CCDC171: variants seen among roughly 807,000 people sequenced by gnomAD.
CCDC171 encodes the protein coiled-coil domain containing 171, also known as coiled-coil domain-containing protein 171.
Under a neutral mutation model 168.2 loss-of-function variants are expected in CCDC171, and 177 were observed. That is an observed-to-expected ratio of 1.05 (90% CI 0.93 to 1.19). The LOEUF (loss-of-function observed/expected upper bound fraction) is 1.19. CCDC171 is among the 50% of genes most tolerant of loss of function. CCDC171 has a pLI of 0.00. For missense variants in CCDC171, 1,991 were observed against 1,539.0 expected, an observed-to-expected ratio of 1.29 and a Z score of -4.91; for synonymous variants, 687 against 540.8, an observed-to-expected ratio of 1.27 and a Z score of -3.75.
intron 25 of CCDC171, among the ~76,000 whole-genome samples, chr9:15,970,243 A>G (rs1319994517): frequency 6.6e-6 from 1 of 152,172 alleles, no homozygotes; most frequent in Non-Finnish European, 1.5e-5. Flanking sequence ...AACACATACA[A>G]CAGTTGAATT....
intron 24 of CCDC171, among the ~76,000 whole-genome samples, chr9:15,900,157 G>T (rs142986211): frequency 0.013 from 1,977 of 152,242 alleles, 49 homozygotes; most frequent in African/African-American, 0.045. Flanking sequence ...TAAATGTAAT[G>T]GATACCACTC....
At chr9:15,900,645 C>T (rs541511536) in intron 24 of CCDC171, among the ~76,000 whole-genome samples, 28 of 152,266 alleles carry the variant, frequency 1.8e-4, no homozygotes, top group East Asian at 9.7e-4. Context: ...GATTTCAATA[C>T]CCTAGAGTGA....
intron 3 of CCDC171, among the ~76,000 whole-genome samples, chr9:15,994,789 A>G (rs189859768): frequency 2.0e-5 from 3 of 152,308 alleles, no homozygotes; most frequent in Admixed American, 6.5e-5. Context: ...CTATTTCACC[A>G]TCAGTCAATG....
chr9:15,582,108 G>A (rs1268843394), intron 4 of CCDC171, among the ~76,000 whole-genome samples: 1 of 152,162 alleles, frequency 6.6e-6, no homozygotes, highest in African/African-American at 2.4e-5. Context: ...TCATCAGAAA[G>A]TGGGCAAAGG....
chr9:15,618,580 C>T (rs1299182252), intron 6 of CCDC171, among the ~76,000 whole-genome samples: 2 of 152,212 alleles, frequency 1.3e-5, no homozygotes, highest in African/African-American at 2.4e-5. Context: ...GAAAAAACTC[C>T]TGCAGCTTGG....
Position 15,563,435 on chromosome 9 carries a change from G to T in CCDC171, c.-111-543G>T, listed in dbSNP as rs866886411. ...TTACAGTCGTGAGCCACCGCACCCG[G>T]CTCAAGTTACTTTTAATCTCAGTCT... On this transcript the variant is annotated intron_variant, in intron 1 of 25. Coordinates refer to ENST00000380701, the MANE Select transcript of CCDC171 (RefSeq NM_173550.4). Among the ~76,000 whole-genome samples, 6 of 152,206 alleles carry T rather than the reference G, an allele frequency of 3.9e-5. No individual in the cohort carries two copies. In the South Asian group the frequency reaches 1.2e-3, roughly 32 times the overall value.
At chr9:15,656,753 G>A (rs1415841879) in intron 7 of CCDC171, among the ~76,000 whole-genome samples, 4 of 152,160 alleles carry the variant, frequency 2.6e-5, no homozygotes, top group Non-Finnish European at 5.9e-5. Flanking sequence ...AGGGCTGGAG[G>A]AAGGCATTAC....
rs756082815 is a variant in CCDC171, at chr9:15,678,893, A to G, written c.1212A>G (p.Val404=). The G allele has an allele frequency of 6.3e-7, 1 of 1,579,302 alleles. No homozygotes were observed. The highest frequency in any genetic ancestry group is 2.0e-5 in the Admixed American group (1 of 51,240). ...KSCSELQEEL[V]MAKKHQAFLV... is the part of the protein sequence containing the mutation. Reference sequence around the variant, plus strand: ...GCAGTGAATTACAGGAAGAACTAGTAATGGTAAGGATAAAAAAGAAAACCC... The same window carrying G: ...GCAGTGAATTACAGGAAGAACTAGTGATGGTAAGGATAAAAAAGAAAACCC... Residue 404 remains valine, a synonymous_variant, in exon 10 of 26, where the codon GTA becomes GTG. Coordinates refer to ENST00000380701, the MANE Select transcript of CCDC171 (RefSeq NM_173550.4).
At chr9:16,100,708 G>A in the CCDC171 span, among the ~76,000 whole-genome samples, 1 of 152,192 alleles carries the variant, frequency 6.6e-6, no homozygotes, top group African/African-American at 2.4e-5. Context: ...AGGGTTGGAA[G>A]CAGCTGCGAG....
the CCDC171 span, among the ~76,000 whole-genome samples, chr9:16,090,988 C>T: frequency 6.6e-6 from 1 of 152,202 alleles, no homozygotes; most frequent in Non-Finnish European, 1.5e-5. Context: ...TCTTGTTCTG[C>T]AGTTCTCTTT....
chr9:15,924,587 G>A (rs1825699349), intron 25 of CCDC171, among the ~76,000 whole-genome samples: 1 of 151,494 alleles, frequency 6.6e-6, no homozygotes, highest in African/African-American at 2.4e-5. Flanking sequence ...CTACAGCCTT[G>A]AGCATGTAAC....
intron 6 of CCDC171, among the ~76,000 whole-genome samples, chr9:15,616,893 T>A (rs2044122049): frequency 6.6e-6 from 1 of 152,204 alleles, no homozygotes; most frequent in Admixed American, 6.5e-5. Flanking sequence ...ACTGGGTAAT[T>A]TATAAAGGAA....
Position 15,744,376 on chromosome 9 carries a change from C to T in CCDC171, c.2153C>T (p.Ser718Leu). ...AATTCGCACTTCAAAAAACTGTTAT[C>T]ACAGACTCAAAGGGAACAGATGTCC... Reference protein sequence around the residue: ...LENSHFKKLLSQTQREQMSLL... With the variant: ...LENSHFKKLLLQTQREQMSLL... The change falls in exon 17 of 26, where the codon TCA becomes TTA. Residue 718 changes from serine (S) to leucine (L), a missense_variant. Transcript: ENST00000380701. 6.2e-7 allele frequency: 1 copy of T among 1,614,134 alleles called. No individual in the cohort carries two copies. Among genetic ancestry groups the T allele is most frequent in the South Asian group, 1.1e-5 (1 of 91,084 alleles).
intron 25 of CCDC171, 149 bp from the exon 26 acceptor site, chr9:15,971,460 T>C (rs1831347724): frequency 3.5e-6 from 2 of 566,984 alleles, no homozygotes; most frequent in Admixed American, 3.2e-5. Context: ...TTACTATTTA[T>C]ATATTCTCAT....
chr9:15,957,083 C>T (rs1169853086), intron 25 of CCDC171, among the ~76,000 whole-genome samples: 1 of 150,752 alleles, frequency 6.6e-6, no homozygotes, highest in Non-Finnish European at 1.5e-5. Context: ...TCCTAGATTC[C>T]TGTCTAATTC....
rs1435772970 is a variant in CCDC171, at chr9:15,945,692, C to G, written c.3753+25270C>G. 9.3e-5 allele frequency among the ~76,000 whole-genome samples: 14 copies of G among 150,938 alleles called. No individual in the cohort carries two copies. The East Asian group carries it at 2.8e-3, about 31-fold the overall frequency. On this transcript the variant is annotated intron_variant, in intron 25 of 25. Transcript: ENST00000380701. ...ATAAATGTCTTCTTTTGAGTAGTGT[C>G]TGTTCATGTCCTTCACCCCCTTTTT...
At chr9:15,623,475 G>GCGCGCGCTCA in intron 7 of CCDC171, 62 bp downstream of exon 7, 2 of 311,464 alleles carry the variant, frequency 6.4e-6, no homozygotes, top group Non-Finnish European at 5.9e-6. Context: ...GCGCGCGCGC[G>GCGCGCGCTCA]CACACACACA....
At chr9:15,832,899 A>T (rs534033790) in intron 21 of CCDC171, among the ~76,000 whole-genome samples, 6 of 144,106 alleles carry the variant, frequency 4.2e-5, no homozygotes, top group African/African-American at 1.3e-4. Flanking sequence ...TAAGACATGA[A>T]TACGCGTTAG....
chr9:15,782,231 A>G (rs2057701912), intron 20 of CCDC171, among the ~76,000 whole-genome samples: 1 of 152,328 alleles, frequency 6.6e-6, no homozygotes, highest in South Asian at 2.1e-4. Flanking sequence ...GCTCACCGAA[A>G]GCTATTTAGT....
Sources: gnomAD v4.1 joint callset for allele counts (sites outside exome capture counted in the v4.1 genomes callset) on GRCh38, gnomAD v4.1.1 for gene constraint, MANE v1.5 for transcripts, NCBI Gene and HGNC (gene_info 2026-07-23, HGNC 2026-07-21) for gene names.